Variants in KIF21A observed in about 807,000 individuals in gnomAD.
KIF21A encodes kinesin family member 21A.
In KIF21A, 114 loss-of-function variants were observed where a neutral mutation model predicts 202.9. That is an observed-to-expected ratio of 0.56 (90% CI 0.48 to 0.66). KIF21A has a LOEUF of 0.66. Among genes scored for constraint, KIF21A ranks in the 30% least tolerant of loss-of-function variants. The pLI is 0.00. For synonymous variants in KIF21A, 667 were observed against 670.8 expected (o/e 0.99, Z 0.09); for missense variants, 1,677 against 1,994.9 (o/e 0.84, Z 3.04).
intron 7 of KIF21A, among the ~76,000 whole-genome samples, chr12:39,358,871 C>T (rs1352965859): frequency 6.6e-6 from 1 of 151,768 alleles, no homozygotes; most frequent in African/African-American, 2.4e-5. Context: ...TCATTTGTGA[C>T]TGAATGATCA....
intron 12 of KIF21A, 109 bp downstream of exon 12, chr12:39,346,357 C>A: frequency 1.6e-6 from 1 of 622,472 alleles, no homozygotes; most frequent in East Asian, 3.4e-5. Flanking sequence ...TAGGAGCAGC[C>A]CAGCTTATCT....
At chr12:39,416,602 C>CATATATATATATATATGTACAT (rs367999803) in intron 1 of KIF21A, among the ~76,000 whole-genome samples, 1 of 100,772 alleles carries the variant, frequency 9.9e-6, no homozygotes, top group Non-Finnish European at 1.9e-5. Context: ...CTTAAATATA[C>CATATATATATATATATGTACAT]ATATATATAT....
At chr12:39,427,087 C>T (rs1452430898) in intron 1 of KIF21A, among the ~76,000 whole-genome samples, 1 of 152,076 alleles carries the variant, frequency 6.6e-6, no homozygotes, top group Non-Finnish European at 1.5e-5. Flanking sequence ...GAGGGCAAAA[C>T]CCCTATCTGA....
chr12:39,386,210 T>C (rs1278412948), intron 1 of KIF21A, among the ~76,000 whole-genome samples: 1 of 152,192 alleles, frequency 6.6e-6, no homozygotes, highest in Non-Finnish European at 1.5e-5. Flanking sequence ...ATGTCAACAG[T>C]AGAGTCCTTA....
At chr12:39,301,760 T>A in intron 36 of KIF21A, 81 bp from the exon 37 acceptor site, 10 of 1,196,414 alleles carry the variant, frequency 8.4e-6, no homozygotes, top group African/African-American at 3.0e-5. Context: ...CTGAAAAACA[T>A]TTTATTGCCA....
chr12:39,436,233 T>C (rs1040134510), intron 1 of KIF21A, among the ~76,000 whole-genome samples: 2 of 151,708 alleles, frequency 1.3e-5, no homozygotes, highest in African/African-American at 4.8e-5. Flanking sequence ...CACGAAGTCC[T>C]AGAAAATCCA....
At chr12:39,375,168 A>G (rs756249280) in intron 1 of KIF21A, among the ~76,000 whole-genome samples, 1 of 152,168 alleles carries the variant, frequency 6.6e-6, no homozygotes, top group Non-Finnish European at 1.5e-5. Context: ...TAGTGATTGA[A>G]TATATTTAAA....
intron 5 of KIF21A, among the ~76,000 whole-genome samples, chr12:39,366,792 A>T (rs952169336): frequency 6.6e-6 from 1 of 152,258 alleles, no homozygotes; most frequent in Non-Finnish European, 1.5e-5. Flanking sequence ...GTCTCAGGTG[A>T]TGACATCCAA....
At chr12:39,359,070 A>C (rs1949009830) in intron 7 of KIF21A, among the ~76,000 whole-genome samples, 1 of 152,188 alleles carries the variant, frequency 6.6e-6, no homozygotes, top group Admixed American at 6.5e-5. Flanking sequence ...TAACTAAAAA[A>C]TGTGTAGGAA....
chr12:39,348,331 C>T (rs1230306731), intron 11 of KIF21A, among the ~76,000 whole-genome samples: 1 of 152,040 alleles, frequency 6.6e-6, no homozygotes, highest in Non-Finnish European at 1.5e-5. Flanking sequence ...GAAAGATATG[C>T]CACATAGTTT....
chr12:39,322,365 A>ATTT (rs1351344861), intron 27 of KIF21A: 1 of 239,508 alleles, frequency 4.2e-6, no homozygotes, highest in African/African-American at 2.3e-5. Flanking sequence ...GTATAACTTT[A>ATTT]ATTTAGGTAT....
intron 1 of KIF21A, among the ~76,000 whole-genome samples, chr12:39,397,887 A>G (rs1951876261): frequency 6.6e-6 from 1 of 152,248 alleles, no homozygotes; most frequent in Admixed American, 6.5e-5. Flanking sequence ...GAGCTTACAG[A>G]CTTAACACAA....
intron 1 of KIF21A, among the ~76,000 whole-genome samples, chr12:39,404,929 C>T (rs370120452): frequency 2.0e-5 from 3 of 151,386 alleles, no homozygotes; most frequent in Non-Finnish European, 2.9e-5. Flanking sequence ...ATTTCAAATG[C>T]GCAATGTTAA....
Position 39,340,334 on chromosome 12 carries a change from G to C in KIF21A, c.2141C>G (p.Ala714Gly). ...TTCATATTCAGACCTAACTTTTTTTGCTTTTTCTTCTGAGTAAGATTCTAC... is the reference window on the plus strand; with the variant it reads ...TTCATATTCAGACCTAACTTTTTTTCCTTTTTCTTCTGAGTAAGATTCTAC... ...GSVESYSEEKAKKVRSEYEKK... is the reference protein window; with the variant it reads ...GSVESYSEEKGKKVRSEYEKK... Residue 714 changes from alanine (A) to glycine (G), a missense_variant, in exon 16 of 38, where the codon GCA (alanine) becomes GGA (glycine). Ala to Gly is a moderately conservative substitution (Grantham distance 60). Around this residue, in one of 3 missense-constraint regions of KIF21A, gnomAD observed 966 missense variants for 1,180.9 expected, o/e 0.82. Transcript: ENST00000361418. 6.2e-7 allele frequency: 1 copy of C among 1,608,414 alleles called. No homozygotes were observed. The highest frequency in any genetic ancestry group is 1.3e-5 in the African/African-American group (1 of 74,624).
Position 39,294,284 on chromosome 12 carries a change from A to G in KIF21A, c.*140T>C. On this transcript the variant is annotated 3_prime_UTR_variant, in exon 38 of 38. Transcript: ENST00000361418. ...ACACAATTTTATTAGAATACCATTT[A>G]TAGTCAGCAGTTGAATTCAGATATA... 4.4e-6 allele frequency: 3 copies of G among 679,484 alleles called. No homozygotes were observed. The highest frequency in any genetic ancestry group is 8.1e-6 in the Non-Finnish European group (3 of 371,060). 42.1% of individuals were successfully genotyped at this position (679,484 alleles called of 1,614,324 possible).
At chr12:39,361,079 A>G (rs1425814634) in intron 7 of KIF21A, among the ~76,000 whole-genome samples, 1 of 152,240 alleles carries the variant, frequency 6.6e-6, no homozygotes, top group Admixed American at 6.5e-5. Flanking sequence ...GAGGAACATG[A>G]GACTATTTAG....
intron 5 of KIF21A, 37 bp from the exon 6 acceptor site, chr12:39,366,554 A>G: frequency 6.9e-7 from 1 of 1,440,636 alleles, no homozygotes; most frequent in Non-Finnish European, 9.6e-7. Flanking sequence ...TACTTTATTA[A>G]TGTAACATTA....
chr12:39,431,979 G>GAATGA (rs946755260), intron 1 of KIF21A, among the ~76,000 whole-genome samples: 18 of 152,312 alleles, frequency 1.2e-4, no homozygotes, highest in African/African-American at 4.3e-4. Context: ...AAATAACCAG[G>GAATGA]AATGAAATCT....
intron 1 of KIF21A, among the ~76,000 whole-genome samples, chr12:39,381,261 C>T (rs1389730498): frequency 1.4e-5 from 2 of 147,296 alleles, no homozygotes; most frequent in Non-Finnish European, 3.0e-5. Context: ...TGAGCAAGAT[C>T]GAGCCACTGC....
Sources: gnomAD v4.1 joint callset for allele counts (sites outside exome capture counted in the v4.1 genomes callset) on GRCh38, gnomAD v4.1.1 for gene constraint, gnomAD v4.1.1 regional missense constraint, MANE v1.5 for transcripts, NCBI Gene and HGNC (gene_info 2026-07-23, HGNC 2026-07-21) for gene names.